The following ADGRB3 variants were observed in gnomAD, a reference collection of about 807,000 sequenced individuals.
The protein encoded by ADGRB3 is adhesion G protein-coupled receptor B3.
A neutral mutation model predicts 193.4 loss-of-function variants in ADGRB3; 37 were observed. The ratio of observed to expected loss-of-function variants is 0.19; its 90% CI spans 0.15 to 0.25. The LOEUF (loss-of-function observed/expected upper bound fraction) is 0.25, where lower values mean the gene tolerates loss of function less well. ADGRB3 is among the 10% of genes least tolerant of loss of function. The pLI, the probability that ADGRB3 is intolerant of heterozygous loss-of-function variation, is 1.00. For synonymous variants in ADGRB3, 690 were observed against 644.2 expected, an observed-to-expected ratio of 1.07 and a Z score of -1.08; for missense variants, 1,637 against 1,852.9, an observed-to-expected ratio of 0.88 and a Z score of 2.14.
At chr6:69,256,311 G>C (rs1209527362) in intron 20 of ADGRB3, among the ~76,000 whole-genome samples, 2 of 152,066 alleles carry the variant, frequency 1.3e-5, no homozygotes, top group African/African-American at 4.8e-5. Flanking sequence ...CCATTTTCAT[G>C]ATATTGATTC....
At position 68,720,254 on chromosome 6, in the gene ADGRB3, T is replaced by C. The variant is rs533016805; in HGVS notation, c.757+80822T>C. Among the ~76,000 whole-genome samples the C allele has an allele frequency of 7.7e-4, 117 of 151,806 alleles. 5 individuals are homozygous for C. The South Asian group carries it at 0.023, about 30-fold the overall frequency. ...CAACTGCTAAACTAGAATGTATCCA[T>C]AGTAGAAAGAGGTGGCTTCTTTAGC... On this transcript the variant is annotated intron_variant, in intron 3 of 31. Coordinates refer to ENST00000370598, the MANE Select transcript of ADGRB3 (RefSeq NM_001704.3).
chr6:69,363,587 A>G (rs574785969), intron 29 of ADGRB3, among the ~76,000 whole-genome samples: 1 of 152,024 alleles, frequency 6.6e-6, no homozygotes, highest in Non-Finnish European at 1.5e-5. Context: ...GTCCTGATCA[A>G]TTTTATGCCA....
intron 8 of ADGRB3, among the ~76,000 whole-genome samples, chr6:68,967,703 T>C (rs1768423991): frequency 6.6e-6 from 1 of 151,784 alleles, no homozygotes. Context: ...AAAACAGATC[T>C]AGCCAAAAGA....
chr6:69,355,782 T>C (rs1238491645), intron 27 of ADGRB3, 39 bp from the exon 28 acceptor site: 1 of 1,544,108 alleles, frequency 6.5e-7, no homozygotes, highest in East Asian at 2.3e-5. Context: ...GAGGTCTTCA[T>C]TAAATGATGG....
chr6:69,318,687 A>G (rs1768370693), intron 20 of ADGRB3, among the ~76,000 whole-genome samples: 1 of 151,270 alleles, frequency 6.6e-6, no homozygotes, highest in Non-Finnish European at 1.5e-5. Flanking sequence ...TGATACTGAA[A>G]TGATACTGAA....
chr6:69,351,661 A>G (rs1258389799), intron 26 of ADGRB3, among the ~76,000 whole-genome samples: 1 of 152,154 alleles, frequency 6.6e-6, no homozygotes, highest in Non-Finnish European at 1.5e-5. Flanking sequence ...CCCTTAATCT[A>G]TTGTCCCATT....
intron 3 of ADGRB3, among the ~76,000 whole-genome samples, chr6:68,662,087 A>G (rs957879803): frequency 1.3e-5 from 2 of 151,464 alleles, no homozygotes; most frequent in African/African-American, 4.8e-5. Context: ...CGAGCCAAGT[A>G]TGGTGCAGAA....
chr6:68,799,461 T>G (rs944823294), intron 3 of ADGRB3, among the ~76,000 whole-genome samples: 2 of 152,208 alleles, frequency 1.3e-5, no homozygotes, highest in African/African-American at 4.8e-5. Flanking sequence ...TTCCAATTTT[T>G]TTAAGTACTG....
At chr6:69,136,619 G>A (rs1211422303) in intron 17 of ADGRB3, among the ~76,000 whole-genome samples, 2 of 126,964 alleles carry the variant, frequency 1.6e-5, no homozygotes, top group African/African-American at 5.3e-5. Flanking sequence ...TTTCTTTGGT[G>A]ATTCTCAACC....
chr6:68,983,727 G>A (rs907902114), intron 10 of ADGRB3, among the ~76,000 whole-genome samples: 11 of 151,908 alleles, frequency 7.2e-5, no homozygotes, highest in Non-Finnish European at 1.3e-4. Context: ...AATATAAATA[G>A]ACAGGAGATG....
At chr6:69,078,448 A>G (rs1562149662) in intron 17 of ADGRB3, among the ~76,000 whole-genome samples, 1 of 152,044 alleles carries the variant, frequency 6.6e-6, no homozygotes, top group East Asian at 1.9e-4. Flanking sequence ...CATTCACACT[A>G]TTTTTAAATA....
intron 17 of ADGRB3, among the ~76,000 whole-genome samples, chr6:69,164,415 A>G (rs753427068): frequency 1.3e-5 from 2 of 152,120 alleles, no homozygotes; most frequent in Non-Finnish European, 2.9e-5. Flanking sequence ...GACTAAAAAC[A>G]TGTAGAATCA....
intron 15 of ADGRB3, among the ~76,000 whole-genome samples, chr6:69,055,824 TTTG>T (rs1373817492): frequency 3.3e-5 from 5 of 151,156 alleles, no homozygotes; most frequent in Non-Finnish European, 5.9e-5. Flanking sequence ...TTTGTTTTGC[TTTG>T]TTTTGTTTTG....
At chr6:69,065,764 T>TATAC (rs1491522866) in intron 16 of ADGRB3, among the ~76,000 whole-genome samples, 1 of 129,210 alleles carries the variant, frequency 7.7e-6, no homozygotes, top group Non-Finnish European at 1.7e-5. Context: ...TGTATATATA[T>TATAC]ACACACACAC....
chr6:68,639,527 C>T (rs1768033671), intron 3 of ADGRB3, 95 bp downstream of exon 3: 17 of 1,353,848 alleles, frequency 1.3e-5, no homozygotes, highest in Non-Finnish European at 1.6e-5. Flanking sequence ...AATTATTTAT[C>T]CTTTATTGTC....
chr6:69,043,902 G>T (rs1308751416), intron 13 of ADGRB3, among the ~76,000 whole-genome samples: 1 of 152,088 alleles, frequency 6.6e-6, no homozygotes, highest in Non-Finnish European at 1.5e-5. Flanking sequence ...TTAGCCGGGC[G>T]TGGTGGCGGG....
At chr6:69,240,305 G>T (rs188018645) in intron 20 of ADGRB3, among the ~76,000 whole-genome samples, 4 of 152,086 alleles carry the variant, frequency 2.6e-5, no homozygotes, top group East Asian at 1.9e-4. Flanking sequence ...GGGCCCAAGG[G>T]GTAGGCCACT....
At chr6:69,367,056 G>T (rs1166511042) in intron 29 of ADGRB3, among the ~76,000 whole-genome samples, 3 of 152,106 alleles carry the variant, frequency 2.0e-5, no homozygotes, top group African/African-American at 7.2e-5. Context: ...GGTGGTCTGG[G>T]AAGCATCTGA....
intron 3 of ADGRB3, among the ~76,000 whole-genome samples, chr6:68,666,176 T>A (rs1012238587): frequency 6.6e-6 from 1 of 151,872 alleles, no homozygotes; most frequent in Non-Finnish European, 1.5e-5. Context: ...AACATTTTGA[T>A]GTATTAGCTC....
Sources: gnomAD v4.1 joint callset for allele counts (sites outside exome capture counted in the v4.1 genomes callset) on GRCh38, gnomAD v4.1.1 for gene constraint, MANE v1.5 for transcripts, NCBI Gene and HGNC (gene_info 2026-07-23, HGNC 2026-07-21) for gene names.